Variants in LMOD1 observed in about 807,000 individuals in gnomAD.
LMOD1 encodes leiomodin-1.
Under a neutral mutation model 36.5 loss-of-function variants are expected in LMOD1, and 8 were observed. That is an observed-to-expected ratio of 0.22 (90% CI 0.13 to 0.40). LMOD1 has a LOEUF of 0.40. Among genes scored for constraint, LMOD1 ranks in the 10% least tolerant of loss-of-function variants. The probability of loss-of-function intolerance (pLI) is 1.00; values close to 1 mark genes in which losing one functional copy is unlikely to be tolerated. For synonymous variants in LMOD1, 284 were observed against 288.7 expected, an observed-to-expected ratio of 0.98 and a Z score of 0.17; for missense variants, 630 against 751.1, an observed-to-expected ratio of 0.84 and a Z score of 1.88.
chr1:201,925,957 T>C (rs1055718934), intron 1 of LMOD1, among the ~76,000 whole-genome samples: 16 of 152,078 alleles, frequency 1.1e-4, no homozygotes, highest in Non-Finnish European at 7.4e-5. Context: ...CAAGCAGGCC[T>C]CCCATCTCAG....
At position 201,896,546 on chromosome 1, in the gene LMOD1, C is replaced by T. The variant is rs930476782; in HGVS notation, c.*1826G>A. ...TATCTGCAAAATAGAATATTGGTAT[C>T]CACCTCACAGAGTTGAAGGATCAGC... is the stretch of plus-strand genomic sequence containing the variant. On this transcript the variant is annotated 3_prime_UTR_variant, in exon 3 of 3. Transcript: ENST00000367288. 2.2e-6 allele frequency: 1 copy of T among 456,620 alleles called. No individual in the cohort carries two copies. The highest frequency in any genetic ancestry group is 4.4e-6 in the Non-Finnish European group (1 of 226,984). The allele number at this position is 456,620 out of a possible 1,614,324, so 28.3% of individuals were successfully genotyped here. A position where few individuals can be genotyped will look rare whatever the true frequency, so the allele number is the denominator to read the frequency against.
At chr1:201,910,706 C>T (rs546476120) in intron 1 of LMOD1, among the ~76,000 whole-genome samples, 2 of 128,802 alleles carry the variant, frequency 1.6e-5, no homozygotes, top group East Asian at 2.5e-4. Context: ...TTCTGGGAGT[C>T]GGTGGTAACA....
chr1:201,920,111 G>A (rs1484114890), intron 1 of LMOD1, among the ~76,000 whole-genome samples: 1 of 145,230 alleles, frequency 6.9e-6, no homozygotes, highest in Admixed American at 7.1e-5. Context: ...GGCAGCTGGG[G>A]TGCAATGGCA....
intron 1 of LMOD1, among the ~76,000 whole-genome samples, chr1:201,933,593 C>CA (rs1681964347): frequency 2.6e-5 from 2 of 75,892 alleles, no homozygotes; most frequent in East Asian, 4.5e-4. Context: ...CATATACATA[C>CA]ATTATATATA....
intron 1 of LMOD1, among the ~76,000 whole-genome samples, chr1:201,918,187 G>C (rs1019973344): frequency 6.6e-6 from 1 of 152,138 alleles, no homozygotes; most frequent in African/African-American, 2.4e-5. Flanking sequence ...CAGACACTGG[G>C]ACATCAGCCT....
chr1:201,929,564 A>C (rs1681884572), intron 1 of LMOD1, among the ~76,000 whole-genome samples: 1 of 152,244 alleles, frequency 6.6e-6, no homozygotes, highest in Non-Finnish European at 1.5e-5. Context: ...ATTTTTAAAA[A>C]GAGGATAAAA....
intron 1 of LMOD1, among the ~76,000 whole-genome samples, chr1:201,939,760 C>CTGTGTGTG (rs56135181): frequency 2.7e-5 from 4 of 149,176 alleles, no homozygotes; most frequent in African/African-American, 7.4e-5. Context: ...TCTGCTCCTG[C>CTGTGTGTG]TGTGTGTGTG....
chr1:201,927,228 AACAC>A (rs1321863551), intron 1 of LMOD1, among the ~76,000 whole-genome samples: 15 of 152,316 alleles, frequency 9.8e-5, no homozygotes, highest in Admixed American at 3.3e-4. Flanking sequence ...TGACCACTGG[AACAC>A]TTGAGTCTTT....
intron 1 of LMOD1, among the ~76,000 whole-genome samples, chr1:201,942,878 T>G (rs1356952232): frequency 6.6e-6 from 1 of 152,164 alleles, no homozygotes; most frequent in Non-Finnish European, 1.5e-5. Flanking sequence ...CCATAAATAT[T>G]TATGTATTTA....
chr1:201,942,678 T>C (rs532910745), intron 1 of LMOD1, among the ~76,000 whole-genome samples: 33 of 152,044 alleles, frequency 2.2e-4, no homozygotes, highest in African/African-American at 6.7e-4. Context: ...TTCTTTCTTT[T>C]TTTTTTTTAA....
intron 1 of LMOD1, among the ~76,000 whole-genome samples, chr1:201,904,071 G>GC (rs910173139): frequency 2.6e-5 from 4 of 152,154 alleles, no homozygotes; most frequent in African/African-American, 9.7e-5. Flanking sequence ...GTACTCAAGT[G>GC]CCCAGCTGCC....
At chr1:201,940,748 A>AT (rs34009358) in intron 1 of LMOD1, among the ~76,000 whole-genome samples, 63,921 of 125,196 alleles carry the variant, frequency 0.51, 16,609 homozygotes, top group Non-Finnish European at 0.58. Flanking sequence ...CACGCCCAGC[A>AT]TTTTTTTTTT....
At chr1:201,918,316 T>C (rs761058236) in intron 1 of LMOD1, among the ~76,000 whole-genome samples, 2 of 152,190 alleles carry the variant, frequency 1.3e-5, no homozygotes, top group Non-Finnish European at 2.9e-5. Flanking sequence ...ATCTCTTGCC[T>C]CCCCACTGAA....
chr1:201,901,673 T>TATAC (rs1553295747), intron 1 of LMOD1, among the ~76,000 whole-genome samples: 2 of 98,824 alleles, frequency 2.0e-5, no homozygotes, highest in African/African-American at 8.1e-5. Flanking sequence ...TATATATATA[T>TATAC]ACACATATAT....
At chr1:201,922,339 A>C (rs1321028638) in intron 1 of LMOD1, among the ~76,000 whole-genome samples, 1 of 152,216 alleles carries the variant, frequency 6.6e-6, no homozygotes. Context: ...GAAAGCACCC[A>C]AAGTCTATTA....
intron 1 of LMOD1, among the ~76,000 whole-genome samples, chr1:201,924,241 G>A (rs983195726): frequency 2.7e-5 from 4 of 150,478 alleles, no homozygotes; most frequent in Admixed American, 6.6e-5. Context: ...GGAGAATGGC[G>A]TGAACCCGGG....
At position 201,904,272 on chromosome 1, in the gene LMOD1, G is replaced by A. The variant is rs567763301; in HGVS notation, c.262-3521C>T. ...GTTGCCCAGGCTGGAGTGCAATGCC[G>A]CAATCTCGGCTCACTGCAACCTCTG... On this transcript the variant is annotated intron_variant, in intron 1 of 2. Coordinates refer to ENST00000367288, the MANE Select transcript of LMOD1 (RefSeq NM_012134.3). Among the ~76,000 whole-genome samples, 13 of 152,190 alleles carry A rather than the reference G, an allele frequency of 8.5e-5. No homozygotes were observed. The South Asian group carries it at 2.1e-3, about 24-fold the overall frequency.
chr1:201,925,610 T>C (rs1283383059), intron 1 of LMOD1, among the ~76,000 whole-genome samples: 1 of 151,930 alleles, frequency 6.6e-6, no homozygotes, highest in East Asian at 1.9e-4. Context: ...ATGAACCAGT[T>C]GACCTTCTCT....
At chr1:201,941,560 C>T (rs775843103) in intron 1 of LMOD1, among the ~76,000 whole-genome samples, 5 of 152,202 alleles carry the variant, frequency 3.3e-5, no homozygotes, top group Non-Finnish European at 2.9e-5. Context: ...AGCCGTGCTG[C>T]TCAGTGCACT....
Sources: gnomAD v4.1 joint callset for allele counts (sites outside exome capture counted in the v4.1 genomes callset) on GRCh38, gnomAD v4.1.1 for gene constraint, MANE v1.5 for transcripts, NCBI Gene and HGNC (gene_info 2026-07-23, HGNC 2026-07-21) for gene names.